The following EFNA5 variants were observed in gnomAD, a reference collection of about 807,000 sequenced individuals.
EFNA5 encodes ephrin-A5.
A neutral mutation model predicts 22.9 loss-of-function variants in EFNA5; 5 were observed. The observed-to-expected ratio is 0.22, with a 90% CI of 0.11 to 0.46. The LOEUF (loss-of-function observed/expected upper bound fraction) is 0.46. Ranked by LOEUF, EFNA5 falls within the 20% of genes least tolerant of loss-of-function variation. The pLI, the probability that EFNA5 is intolerant of heterozygous loss-of-function variation, is 0.99. For missense variants in EFNA5, 237 were observed against 293.3 expected, an observed-to-expected ratio of 0.81 and a Z score of 1.40; for synonymous variants, 113 against 112.2, an observed-to-expected ratio of 1.01 and a Z score of -0.04.
intron 1 of EFNA5, among the ~76,000 whole-genome samples, chr5:107,444,928 C>T (rs1053251225): frequency 2.6e-5 from 4 of 152,046 alleles, no homozygotes; most frequent in African/African-American, 9.7e-5. Context: ...GGGTCAAAAT[C>T]TGATTTTAGT....
At chr5:107,616,661 C>A (rs910083268) in intron 1 of EFNA5, among the ~76,000 whole-genome samples, 6 of 152,126 alleles carry the variant, frequency 3.9e-5, no homozygotes, top group Non-Finnish European at 8.8e-5. Flanking sequence ...AAAAGAGCCA[C>A]ATTTCAGTTG....
At chr5:107,515,362 T>TTTTTTATTA (rs71624878) in intron 1 of EFNA5, among the ~76,000 whole-genome samples, 6 of 141,312 alleles carry the variant, frequency 4.2e-5, no homozygotes, top group African/African-American at 1.3e-4. Flanking sequence ...TATTTTTTAT[T>TTTTTTATTA]TTATTATTAT....
chr5:107,662,680 G>C (rs1325794115), intron 1 of EFNA5, among the ~76,000 whole-genome samples: 1 of 151,622 alleles, frequency 6.6e-6, no homozygotes, highest in Non-Finnish European at 1.5e-5. Context: ...AGACAAAAAG[G>C]CTCTGACTTA....
At chr5:107,571,258 A>G (rs1748797699) in intron 1 of EFNA5, among the ~76,000 whole-genome samples, 1 of 152,164 alleles carries the variant, frequency 6.6e-6, no homozygotes, top group Non-Finnish European at 1.5e-5. Context: ...GCACTGGGGC[A>G]ACTTGTAATC....
chr5:107,533,355 T>A (rs1747862905), intron 1 of EFNA5, among the ~76,000 whole-genome samples: 1 of 152,180 alleles, frequency 6.6e-6, no homozygotes, highest in Non-Finnish European at 1.5e-5. Flanking sequence ...GTGCTTCACC[T>A]ATAGAGAAGT....
intron 1 of EFNA5, among the ~76,000 whole-genome samples, chr5:107,460,576 C>T (rs1025937240): frequency 2.0e-5 from 3 of 152,048 alleles, no homozygotes; most frequent in African/African-American, 7.2e-5. Flanking sequence ...TGTTTCTTCA[C>T]TTTTTTGGTA....
At chr5:107,448,526 G>A (rs151956) in intron 1 of EFNA5, among the ~76,000 whole-genome samples, 58,951 of 151,700 alleles carry the variant, frequency 0.39, 11,849 homozygotes, top group East Asian at 0.54. Context: ...GAGGAACATC[G>A]GAAGGTTAAA....
rs759335191 is a variant in EFNA5 at position 107,474,576 on chromosome 5, C to A, written c.126-47067G>T. Among the ~76,000 whole-genome samples the A allele has an allele frequency of 2.6e-5, 4 of 152,122 alleles. 1 individual carries two copies. Among genetic ancestry groups the A allele is most frequent in the Admixed American group, 2.6e-4 (4 of 15,250 alleles). On this transcript the variant is annotated intron_variant, in intron 1 of 4. Coordinates refer to ENST00000333274, the MANE Select transcript of EFNA5 (RefSeq NM_001962.3). ...CATGCAACCATGCATCTTTGCATTA[C>A]GAACGAGGAATGGTTTAATTGCAAT...
intron 1 of EFNA5, among the ~76,000 whole-genome samples, chr5:107,529,522 AT>A (rs1426367940): frequency 1.3e-5 from 2 of 152,110 alleles, no homozygotes; most frequent in Non-Finnish European, 2.9e-5. Context: ...AATGCATGGG[AT>A]TTTGACCATT....
chr5:107,631,292 CTCTG>C (rs1270619933), intron 1 of EFNA5, among the ~76,000 whole-genome samples: 5 of 151,406 alleles, frequency 3.3e-5, no homozygotes, highest in Non-Finnish European at 4.4e-5. Flanking sequence ...CACACACACT[CTCTG>C]TCTCTCTCAT....
chr5:107,422,610 G>A (rs1748701730), intron 2 of EFNA5, among the ~76,000 whole-genome samples: 1 of 152,252 alleles, frequency 6.6e-6, no homozygotes, highest in African/African-American at 2.4e-5. Context: ...GGAGTGTACT[G>A]GATAGGAGAG....
At chr5:107,450,370 G>T (rs1398613899) in intron 1 of EFNA5, among the ~76,000 whole-genome samples, 1 of 152,148 alleles carries the variant, frequency 6.6e-6, no homozygotes, top group Non-Finnish European at 1.5e-5. Context: ...TTTAAGTAAA[G>T]CCACAGAACT....
chr5:107,431,272 A>G (rs1748949536), intron 1 of EFNA5, among the ~76,000 whole-genome samples: 1 of 152,250 alleles, frequency 6.6e-6, no homozygotes, highest in South Asian at 2.1e-4. Flanking sequence ...GTACTCAAGT[A>G]TAATCCAAAG....
At chr5:107,637,936 T>G (rs563716969) in intron 1 of EFNA5, among the ~76,000 whole-genome samples, 1 of 151,754 alleles carries the variant, frequency 6.6e-6, no homozygotes, top group South Asian at 2.1e-4. Context: ...AAGCTCCGCC[T>G]CCTGGGTTCA....
intron 1 of EFNA5, among the ~76,000 whole-genome samples, chr5:107,558,184 A>G (rs539579324): frequency 6.6e-6 from 1 of 152,264 alleles, no homozygotes; most frequent in African/African-American, 2.4e-5. Context: ...TTACACCGAA[A>G]TATTCGAAGT....
Position 107,581,180 on chromosome 5 carries a change from G to T in EFNA5, c.125+89309C>A, listed in dbSNP as rs1454212545. 2.0e-5 allele frequency among the ~76,000 whole-genome samples: 3 copies of T among 152,258 alleles called. No individual in the cohort carries two copies. The East Asian group carries it at 5.8e-4, about 29-fold the overall frequency. On this transcript the variant is annotated intron_variant, in intron 1 of 4. Coordinates refer to ENST00000333274, the MANE Select transcript of EFNA5 (RefSeq NM_001962.3). ...CCCAGCATGCTCATCTGCCAAAACT[G>T]CATTAATAACTTCCAGAAACATCGC...
chr5:107,658,348 T>G (rs1050119581), intron 1 of EFNA5, among the ~76,000 whole-genome samples: 3 of 152,196 alleles, frequency 2.0e-5, no homozygotes, highest in African/African-American at 4.8e-5. Context: ...CTTAAACTTT[T>G]TGGACCAAGG....
At chr5:107,592,009 A>C (rs1255840666) in intron 1 of EFNA5, among the ~76,000 whole-genome samples, 1 of 52,764 alleles carries the variant, frequency 1.9e-5, no homozygotes, top group East Asian at 3.3e-4. Flanking sequence ...AATATATAAT[A>C]TATATAATAT....
chr5:107,462,164 G>C (rs1749851142), intron 1 of EFNA5, among the ~76,000 whole-genome samples: 1 of 152,264 alleles, frequency 6.6e-6, no homozygotes, highest in Non-Finnish European at 1.5e-5. Context: ...AAAACTGCAT[G>C]AAGTTGTCAT....
Sources: gnomAD v4.1 joint callset for allele counts (sites outside exome capture counted in the v4.1 genomes callset) on GRCh38, gnomAD v4.1.1 for gene constraint, MANE v1.5 for transcripts, NCBI Gene and HGNC (gene_info 2026-07-23, HGNC 2026-07-21) for gene names.